Variants in LCP1 observed in about 807,000 individuals in gnomAD.
LCP1 encodes the protein lymphocyte cytosolic protein 1.
In LCP1, 23 loss-of-function variants were observed where a neutral mutation model predicts 72.0. The observed-to-expected ratio is 0.32, with a 90% CI of 0.23 to 0.45. The LOEUF (loss-of-function observed/expected upper bound fraction) is 0.45. Among genes scored for constraint, LCP1 ranks in the 20% least tolerant of loss-of-function variants. The pLI is 1.00. For synonymous variants in LCP1, 245 were observed against 275.4 expected, an observed-to-expected ratio of 0.89 and a Z score of 1.09; for missense variants, 571 against 748.3, an observed-to-expected ratio of 0.76 and a Z score of 2.76.
intron 1 of LCP1, among the ~76,000 whole-genome samples, chr13:46,168,009 C>CA (rs2045886055): frequency 6.6e-6 from 1 of 151,914 alleles, no homozygotes; most frequent in Admixed American, 6.6e-5. Context: ...AGAGGCTTAT[C>CA]AAAAAAATAA....
chr13:46,168,093 A>G (rs571786739), intron 1 of LCP1, among the ~76,000 whole-genome samples: 1 of 152,338 alleles, frequency 6.6e-6, no homozygotes, highest in South Asian at 2.1e-4. Context: ...ATCTCCAAAG[A>G]AATCAAAATG....
chr13:46,171,567 G>A (rs915185512), intron 1 of LCP1, among the ~76,000 whole-genome samples: 3 of 152,094 alleles, frequency 2.0e-5, no homozygotes, highest in Admixed American at 6.5e-5. Flanking sequence ...CTCTTTGCCC[G>A]TGGCCTCCAC....
chr13:46,135,770 TG>T (rs1338392210), intron 13 of LCP1, among the ~76,000 whole-genome samples: 153 of 140,954 alleles, frequency 1.1e-3, no homozygotes, highest in Non-Finnish European at 1.9e-3. Flanking sequence ...TTTTAAGAGA[TG>T]GGGTCTCACT....
chr13:46,161,642 A>C (rs2045839112), intron 1 of LCP1, among the ~76,000 whole-genome samples: 1 of 152,080 alleles, frequency 6.6e-6, no homozygotes, highest in South Asian at 2.1e-4. Flanking sequence ...TTTTCCAAAA[A>C]TAATTTGAGC....
rs1338900159 is a variant in LCP1 at position 46,127,504 on chromosome 13, C to T, written c.*87G>A. 3 of 1,531,972 alleles carry T rather than the reference C, an allele frequency of 2.0e-6. No homozygotes were observed. The highest frequency in any genetic ancestry group is 2.7e-6 in the Non-Finnish European group (3 of 1,123,616). 94.9% of individuals were successfully genotyped at this position (1,531,972 alleles called of 1,614,324 possible). On this transcript the variant is annotated 3_prime_UTR_variant, in exon 16 of 16. Transcript: ENST00000323076. Reference sequence around the variant, plus strand: ...TCTTATAGAGTGTCACCAAGTTGAACTTTGGAATGGCTTGAATCATCCCTG... The same window carrying T: ...TCTTATAGAGTGTCACCAAGTTGAATTTTGGAATGGCTTGAATCATCCCTG...
chr13:46,161,639 A>G (rs572025277), intron 1 of LCP1, among the ~76,000 whole-genome samples: 3 of 152,178 alleles, frequency 2.0e-5, no homozygotes, highest in East Asian at 3.9e-4. Context: ...CCTTTTTCCA[A>G]AAATAATTTG....
chr13:46,158,798 G>A (rs749055631), intron 3 of LCP1, 28 bp downstream of exon 3: 3 of 1,609,014 alleles, frequency 1.9e-6, no homozygotes, highest in Non-Finnish European at 2.5e-6. Context: ...TTTCAAATGT[G>A]TCTCCTTGTA....
intron 13 of LCP1, among the ~76,000 whole-genome samples, chr13:46,137,158 G>A (rs2045669598): frequency 6.6e-6 from 1 of 151,524 alleles, no homozygotes; most frequent in East Asian, 1.9e-4. Flanking sequence ...CACCTCAACT[G>A]AGATGCAGAG....
intron 1 of LCP1, among the ~76,000 whole-genome samples, chr13:46,173,721 T>C (rs1293372832): frequency 6.6e-6 from 1 of 152,192 alleles, no homozygotes; most frequent in East Asian, 1.9e-4. Context: ...TGAAGTCAGG[T>C]ATTGCAGAAC....
Position 46,131,260 on chromosome 13 carries a change from G to A in LCP1, c.1627-322C>T, listed in dbSNP as rs76224061. The stretch of plus-strand genomic sequence containing the variant: ...ATATGAAAAAATGCAAAAATGCTCG[G>A]CATCACTAATCATCACAGAAATGAG... On this transcript the variant is annotated intron_variant, in intron 14 of 15. Coordinates refer to ENST00000323076, the MANE Select transcript of LCP1 (RefSeq NM_002298.5). Among the ~76,000 whole-genome samples, 1,149 of 152,248 alleles carry A rather than the reference G, an allele frequency of 7.5e-3. 13 individuals carry two copies. The highest frequency in any genetic ancestry group is 0.029 in the Admixed American group (444 of 15,290).
At chr13:46,134,820 A>C (rs2045654209) in intron 13 of LCP1, among the ~76,000 whole-genome samples, 1 of 152,096 alleles carries the variant, frequency 6.6e-6, no homozygotes, top group African/African-American at 2.4e-5. Flanking sequence ...AACCTCTTAA[A>C]ATTCTATAGA....
chr13:46,173,253 T>A (rs1167836439), intron 1 of LCP1, among the ~76,000 whole-genome samples: 1 of 152,264 alleles, frequency 6.6e-6, no homozygotes, highest in Non-Finnish European at 1.5e-5. Flanking sequence ...TTGCTGTGTG[T>A]ATTTGAATGT....
In LCP1 at chr13:46,150,966, G is replaced by T; in HGVS notation, c.852C>A (p.Asn284Lys). ...ANYHLENAGC[N>K]KIGNFSTDIK... ...TGTCAGTACTGAAGTTGCCAATTTT[G>T]TTGCAGCCTGCATTTTCCAGGTGGT... Residue 284 changes from asparagine (N) to lysine (K), a missense_variant, in exon 8 of 16, where the codon AAC becomes AAA. Transcript: ENST00000323076. The T allele has an allele frequency of 6.2e-7, 1 of 1,613,906 alleles. No homozygotes were observed. The highest frequency in any genetic ancestry group is 8.5e-7 in the Non-Finnish European group (1 of 1,179,838).
chr13:46,154,307 A>C (rs1380593361), intron 6 of LCP1, among the ~76,000 whole-genome samples: 2 of 152,244 alleles, frequency 1.3e-5, no homozygotes, highest in Non-Finnish European at 2.9e-5. Flanking sequence ...ATGTTAAAAT[A>C]TTGGAACACA....
At chr13:46,159,087 G>C in intron 2 of LCP1, 98 bp from the exon 3 acceptor site, 1 of 1,111,772 alleles carries the variant, frequency 9.0e-7, no homozygotes, top group South Asian at 1.3e-5. Context: ...GGACGAGAGA[G>C]GCTATCATTC....
At position 46,151,420 on chromosome 13, in the gene LCP1, C is replaced by T. The variant is rs147735550; in HGVS notation, c.740-342G>A. Among the ~76,000 whole-genome samples the T allele has an allele frequency of 1.7e-3, 262 of 152,318 alleles. 1 individual carries two copies. Among genetic ancestry groups the T allele is most frequent in the Non-Finnish European group, 2.8e-3 (188 of 68,020 alleles). ...GCTGGGTCTGTCAAACCACATTTCA[C>T]AATATGACAACATTTTTGCTTTTAA... is the stretch of plus-strand genomic sequence containing the variant. On this transcript the variant is annotated intron_variant, in intron 7 of 15. Coordinates refer to ENST00000323076, the MANE Select transcript of LCP1 (RefSeq NM_002298.5).
intron 1 of LCP1, among the ~76,000 whole-genome samples, chr13:46,177,589 G>A (rs539633334): frequency 1.3e-5 from 2 of 152,234 alleles, no homozygotes; most frequent in East Asian, 1.9e-4. Flanking sequence ...TCAGTAAGCC[G>A]AGATCACGCA....
intron 14 of LCP1, among the ~76,000 whole-genome samples, chr13:46,132,017 TA>T (rs1385676402): frequency 3.2e-4 from 38 of 119,744 alleles, no homozygotes; most frequent in African/African-American, 8.8e-4. Context: ...TTTTTTTTTT[TA>T]AAGAGTGGGT....
intron 13 of LCP1, among the ~76,000 whole-genome samples, chr13:46,134,977 C>T (rs1233455707): frequency 5.9e-5 from 9 of 151,874 alleles, no homozygotes; most frequent in East Asian, 1.9e-4. Context: ...GACATGGCAG[C>T]GCTTGTCTGT....
Sources: allele counts gnomAD v4.1 joint callset (sites outside exome capture counted in the v4.1 genomes callset), GRCh38; gene constraint gnomAD v4.1.1; transcripts MANE v1.5; gene names NCBI Gene and HGNC (gene_info 2026-07-23, HGNC 2026-07-21).